The following TJP1 variants were observed in gnomAD, a reference collection of about 807,000 sequenced individuals.
The protein encoded by TJP1 is tight junction protein ZO-1.
A neutral mutation model predicts 194.2 loss-of-function variants in TJP1; 43 were observed. The ratio of observed to expected loss-of-function variants is 0.22; its 90% CI spans 0.17 to 0.29. The LOEUF (loss-of-function observed/expected upper bound fraction) is 0.29. TJP1 is among the 10% of genes least tolerant of loss of function. The pLI is 1.00. For missense variants in TJP1, 1,971 were observed against 2,185.7 expected, an observed-to-expected ratio of 0.90 and a Z score of 1.96; for synonymous variants, 801 against 779.0, an observed-to-expected ratio of 1.03 and a Z score of -0.47.
intron 8 of TJP1, among the ~76,000 whole-genome samples, chr15:29,750,704 A>G (rs2045216896): frequency 6.6e-6 from 1 of 152,184 alleles, no homozygotes; most frequent in African/African-American, 2.4e-5. Context: ...AGCGCTGAAC[A>G]TTCACTCTAG....
chr15:29,717,147 A>G (rs954047676), intron 22 of TJP1, among the ~76,000 whole-genome samples: 1 of 152,246 alleles, frequency 6.6e-6, no homozygotes, highest in Non-Finnish European at 1.5e-5. Flanking sequence ...AATGTAACCG[A>G]GACAGTGAAC....
intron 2 of TJP1, among the ~76,000 whole-genome samples, chr15:29,833,456 T>C (rs1567116468): frequency 6.6e-6 from 1 of 151,862 alleles, no homozygotes; most frequent in Non-Finnish European, 1.5e-5. Flanking sequence ...TGCAGTGGCA[T>C]AGTCTCAGCT....
intron 1 of TJP1, among the ~76,000 whole-genome samples, chr15:29,813,200 A>G (rs2151957445): frequency 6.6e-6 from 1 of 152,276 alleles, no homozygotes; most frequent in South Asian, 2.1e-4. Flanking sequence ...CTACTAAAAC[A>G]TACTTTAGTA....
chr15:29,833,764 A>T (rs1596067851), intron 2 of TJP1, among the ~76,000 whole-genome samples: 2 of 149,174 alleles, frequency 1.3e-5, no homozygotes, highest in Admixed American at 1.4e-4. Context: ...CAGTATATTA[A>T]AATGACTACT....
chr15:29,734,527 A>T, intron 11 of TJP1, 145 bp from the exon 12 acceptor site: 1 of 580,554 alleles, frequency 1.7e-6, no homozygotes, highest in Non-Finnish European at 2.9e-6. Flanking sequence ...TCTGTCGCCC[A>T]GGCTGGAGTG....
At position 29,718,535 on chromosome 15, in the gene TJP1, G is replaced by C. The variant is rs766670174; in HGVS notation, c.3607C>G (p.Pro1203Ala). The change falls in exon 21 of 28, where the codon CCA becomes GCA. Residue 1203 changes from proline to alanine, a missense_variant. Coordinates refer to ENST00000614355, the MANE Select transcript of TJP1 (RefSeq NM_001330239.4). ...GCTCTAGAGGTAAATCCTTGGGGTG[G>C]TACTTGCTCGTAACTGCGTGAATAT... ...EQYSRSYEQV[P>A]PQGFTSRAGH... 3 of 1,614,004 alleles carry C rather than the reference G, an allele frequency of 1.9e-6. No homozygotes were observed. The Admixed American group carries it at 5.0e-5, about 27-fold the overall frequency.
At chr15:29,758,075 G>A (rs541923585) in intron 8 of TJP1, among the ~76,000 whole-genome samples, 62 of 152,208 alleles carry the variant, frequency 4.1e-4, no homozygotes, top group South Asian at 1.0e-3. Flanking sequence ...CTTTTCTTTA[G>A]CTTACTTTAA....
intron 23 of TJP1, among the ~76,000 whole-genome samples, chr15:29,713,864 C>T (rs1357129772): frequency 6.6e-6 from 1 of 152,182 alleles, no homozygotes; most frequent in Non-Finnish European, 1.5e-5. Flanking sequence ...TGGTATCCAG[C>T]CCAAACTATA....
intron 1 of TJP1, among the ~76,000 whole-genome samples, chr15:29,966,047 A>T (rs1404698096): frequency 6.6e-6 from 1 of 152,190 alleles, no homozygotes; most frequent in African/African-American, 2.4e-5. Context: ...CCTGGATTTT[A>T]TTTCCTTGTG....
At chr15:29,714,343 A>G (rs1457272323) in intron 23 of TJP1, among the ~76,000 whole-genome samples, 1 of 150,794 alleles carries the variant, frequency 6.6e-6, no homozygotes, top group African/African-American at 2.4e-5. Context: ...GGTTCATGCC[A>G]TTCTCCTGCC....
chr15:29,915,631 T>G (rs1334300481), intron 2 of TJP1, among the ~76,000 whole-genome samples: 1 of 152,230 alleles, frequency 6.6e-6, no homozygotes, highest in African/African-American at 2.4e-5. Flanking sequence ...CCCAGTAAGA[T>G]TTCATACAAC....
intron 2 of TJP1, among the ~76,000 whole-genome samples, chr15:29,909,427 C>T (rs373569867): frequency 1.1e-4 from 16 of 151,224 alleles, no homozygotes; most frequent in Non-Finnish European, 4.4e-5. Flanking sequence ...ACACCAGAGA[C>T]ATGGCAGCTA....
chr15:29,795,624 T>C (rs1309281285), intron 2 of TJP1, among the ~76,000 whole-genome samples: 1 of 152,082 alleles, frequency 6.6e-6, no homozygotes, highest in Non-Finnish European at 1.5e-5. Context: ...CAATTGTACA[T>C]GAACTCTACC....
chr15:29,732,680 C>A lies in TJP1; in HGVS notation c.1872G>T (p.Gln624His). ...AAGCTGGAAACTTTGTTTGAACAGG[C>A]TGAGCGGACAAATCCTCTCTGCTTT... ...LRKSREDLSA[Q>H]PVQTKFPAYE... Residue 624 changes from glutamine (Q) to histidine (H), a missense_variant, in exon 14 of 28, where the codon CAG becomes CAT. Gln to His is a conservative substitution (Grantham distance 24). This residue lies in a region of TJP1 where 402 missense variants were observed against 484.2 expected (regional missense o/e 0.83). Transcript: ENST00000614355. The A allele has an allele frequency of 1.2e-6, 2 of 1,614,150 alleles. No homozygotes were observed. The highest frequency in any genetic ancestry group is 1.7e-6 in the Non-Finnish European group (2 of 1,180,018).
intron 2 of TJP1, among the ~76,000 whole-genome samples, chr15:29,905,250 T>C (rs1258760677): frequency 6.6e-6 from 1 of 152,160 alleles, no homozygotes; most frequent in Non-Finnish European, 1.5e-5. Context: ...CAATTGCAAA[T>C]GACCAGATCT....
chr15:29,737,204 A>G (rs2044091663), intron 11 of TJP1, 60 bp downstream of exon 11: 32 of 1,578,656 alleles, frequency 2.0e-5, no homozygotes, highest in Middle Eastern at 1.7e-4. Context: ...TTGTTGTTTG[A>G]TACCTTTTTC....
chr15:29,795,303 G>T (rs1230961426), intron 2 of TJP1, among the ~76,000 whole-genome samples: 1 of 151,514 alleles, frequency 6.6e-6, no homozygotes, highest in East Asian at 1.9e-4. Context: ...CATGCTTACA[G>T]TCCCAGCTAC....
chr15:29,873,087 T>C (rs2052581965), intron 2 of TJP1, among the ~76,000 whole-genome samples: 1 of 152,164 alleles, frequency 6.6e-6, no homozygotes. Context: ...AGATGAAAAC[T>C]GGTAGAAGAA....
At chr15:29,749,766 A>T (rs2045124620) in intron 8 of TJP1, among the ~76,000 whole-genome samples, 1 of 152,150 alleles carries the variant, frequency 6.6e-6, no homozygotes, top group South Asian at 2.1e-4. Context: ...AGCCCTGAGG[A>T]TGAGTGAGTG....
Sources: allele counts gnomAD v4.1 joint callset (sites outside exome capture counted in the v4.1 genomes callset), GRCh38; gene constraint gnomAD v4.1.1; regional missense constraint gnomAD v4.1.1; transcripts MANE v1.5; gene names NCBI Gene and HGNC (gene_info 2026-07-23, HGNC 2026-07-21).